USH2A: variants seen among roughly 807,000 people sequenced by gnomAD.
USH2A encodes the protein Usher syndrome 2A (autosomal recessive, mild).
In USH2A, 443 loss-of-function variants were observed where a neutral mutation model predicts 538.9. The observed-to-expected ratio is 0.82, with a 90% confidence interval of 0.76 to 0.89. The LOEUF (loss-of-function observed/expected upper bound fraction) is 0.89. USH2A is among the 40% of genes least tolerant of loss of function. The pLI is 0.00. For synonymous variants in USH2A, 2,413 were observed against 2,273.5 expected (o/e 1.06, Z -1.75); for missense variants, 6,633 against 6,324.8 (o/e 1.05, Z -1.65).
intron 21 of USH2A, among the ~76,000 whole-genome samples, chr1:216,146,923 A>T (rs1001343535): frequency 1.3e-5 from 2 of 152,114 alleles, no homozygotes; most frequent in East Asian, 3.9e-4. Context: ...CTGCAATGCC[A>T]CTTGACCCCA....
chr1:215,789,075 A>G (rs1405691666), intron 51 of USH2A, among the ~76,000 whole-genome samples: 2 of 152,312 alleles, frequency 1.3e-5, no homozygotes, highest in Non-Finnish European at 1.5e-5. Context: ...ACAGGATATA[A>G]ATGTCTCCAG....
chr1:216,145,574 C>T (rs1320273849), intron 21 of USH2A, among the ~76,000 whole-genome samples: 1 of 151,984 alleles, frequency 6.6e-6, no homozygotes, highest in African/African-American at 2.4e-5. Flanking sequence ...AGTCAAACAG[C>T]CATGGATTAT....
intron 27 of USH2A, among the ~76,000 whole-genome samples, chr1:216,076,879 G>A (rs140960693): frequency 3.3e-5 from 5 of 152,234 alleles, no homozygotes; most frequent in Admixed American, 6.5e-5. Context: ...TTTTTCACAC[G>A]TGGGAGGGTG....
intron 61 of USH2A, among the ~76,000 whole-genome samples, chr1:215,713,618 A>C (rs1469633085): frequency 6.6e-6 from 1 of 152,124 alleles, no homozygotes; most frequent in Admixed American, 6.5e-5. Context: ...TTCTATTTGA[A>C]TTTCACCCAT....
chr1:215,643,589 GATCA>G (rs1456828205), intron 67 of USH2A, among the ~76,000 whole-genome samples: 12 of 150,974 alleles, frequency 7.9e-5, no homozygotes, highest in Admixed American at 1.3e-4. Flanking sequence ...GCAGTGACAT[GATCA>G]CAGCTCACTG....
chr1:216,027,789 T>C (rs966882822), intron 32 of USH2A, among the ~76,000 whole-genome samples: 1 of 113,844 alleles, frequency 8.8e-6, no homozygotes, highest in African/African-American at 3.4e-5. Context: ...AATTGACATG[T>C]TGTCTCCAAG....
At chr1:216,295,891 T>C (rs2037095073) in intron 9 of USH2A, among the ~76,000 whole-genome samples, 1 of 152,032 alleles carries the variant, frequency 6.6e-6, no homozygotes, top group Non-Finnish European at 1.5e-5. Flanking sequence ...GTAACACATA[T>C]TTAGTATTTT....
chr1:215,648,829 T>C (rs1656950439), intron 65 of USH2A, 63 bp from the exon 66 acceptor site: 2 of 1,489,670 alleles, frequency 1.3e-6, no homozygotes, highest in Non-Finnish European at 9.4e-7. Flanking sequence ...TGATGAATGT[T>C]ATCCAAGATC....
rs201145043 is a variant in USH2A, at chr1:216,370,367, G to GA, written c.652-5283dup. On this transcript the variant is annotated intron_variant, in intron 3 of 71. Coordinates refer to ENST00000307340, the MANE Select transcript of USH2A (RefSeq NM_206933.4). ...CAGAGTGAGACTCTATCCAAAAAAA[G>GA]AAAAAAAAGAAAAAAAGAATAGCTT... Among the ~76,000 whole-genome samples the GA allele has an allele frequency of 4.7e-5, 7 of 147,414 alleles. No homozygotes were observed. The East Asian group carries it at 6.1e-4, about 13-fold the overall frequency.
chr1:216,351,274 C>T (rs1055207898), intron 4 of USH2A, among the ~76,000 whole-genome samples: 1 of 151,896 alleles, frequency 6.6e-6, no homozygotes, highest in Non-Finnish European at 1.5e-5. Context: ...ATAATGAGAC[C>T]CAAAGTGGGG....
At chr1:216,328,104 C>T (rs2037772401) in intron 4 of USH2A, among the ~76,000 whole-genome samples, 6 of 152,130 alleles carry the variant, frequency 3.9e-5, no homozygotes. Flanking sequence ...TCCAGGCTAT[C>T]TGTTTGGGTT....
At chr1:216,070,056 A>T (rs752667270) in intron 30 of USH2A, 45 bp downstream of exon 30, 1 of 1,604,464 alleles carries the variant, frequency 6.2e-7, no homozygotes, top group Non-Finnish European at 8.5e-7. Context: ...AATGCAAACA[A>T]AAAGGAAGTT....
chr1:215,831,890 G>C (rs1306149044), intron 47 of USH2A, among the ~76,000 whole-genome samples: 2 of 151,920 alleles, frequency 1.3e-5, no homozygotes, highest in East Asian at 3.8e-4. Flanking sequence ...TCTTTGAAAA[G>C]ATCTACAAAA....
At chr1:215,774,804 C>A (rs1385338402) in intron 55 of USH2A, among the ~76,000 whole-genome samples, 9 of 151,838 alleles carry the variant, frequency 5.9e-5, no homozygotes, top group African/African-American at 4.8e-5. Context: ...TAAAAAATAT[C>A]ATTGTCTAGG....
intron 4 of USH2A, among the ~76,000 whole-genome samples, chr1:216,355,375 G>GAAAGAAAGAAAGAAAGAAAGAAAGAA (rs748251919): frequency 1.3e-4 from 18 of 133,942 alleles, no homozygotes; most frequent in Non-Finnish European, 2.2e-4. Flanking sequence ...AAGAAAGAAA[G>GAAAGAAAGAAAGAAAGAAAGAAAGAA]AAGGAAAGAA....
intron 35 of USH2A, among the ~76,000 whole-genome samples, chr1:215,985,898 A>G (rs189135620): frequency 1.2e-4 from 18 of 152,258 alleles, no homozygotes; most frequent in Non-Finnish European, 1.5e-4. Context: ...TCAAGGTACT[A>G]CGTGTAAGTC....
Position 215,927,963 on chromosome 1 carries a change from G to A in USH2A, c.7300+6653C>T, listed in dbSNP as rs140969066. ...AATGTTGAATTTAATTCTGGAAAAT[G>A]TTTATCCAAGTAAAAGACACAGCAA... On this transcript the variant is annotated intron_variant, in intron 38 of 71. Coordinates refer to ENST00000307340, the MANE Select transcript of USH2A (RefSeq NM_206933.4). 2.5e-4 allele frequency among the ~76,000 whole-genome samples: 38 copies of A among 152,116 alleles called. No homozygotes were observed. The East Asian group carries it at 7.4e-3, about 29-fold the overall frequency.
intron 21 of USH2A, among the ~76,000 whole-genome samples, chr1:216,105,513 T>G (rs940883688): frequency 2.0e-5 from 3 of 152,130 alleles, no homozygotes; most frequent in African/African-American, 7.2e-5. Flanking sequence ...CTATGAAGTC[T>G]TAATTATTAT....
chr1:215,744,813 C>T lies in USH2A; in HGVS notation c.11390-1478G>A, dbSNP rs534172429. Among the ~76,000 whole-genome samples the T allele has an allele frequency of 2.6e-5, 4 of 152,212 alleles. No homozygotes were observed. In the East Asian group the frequency reaches 5.8e-4, roughly 22 times the overall value. On this transcript the variant is annotated intron_variant, in intron 58 of 71. Transcript: ENST00000307340. ...CTTCCTCAGGAAAGGTGCTAGATTGCGTTAAATTTGGCAGCTTAGACTGAG... is the reference window on the plus strand; with the variant it reads ...CTTCCTCAGGAAAGGTGCTAGATTGTGTTAAATTTGGCAGCTTAGACTGAG...
Sources: gnomAD v4.1 joint callset for allele counts (sites outside exome capture counted in the v4.1 genomes callset) on GRCh38, gnomAD v4.1.1 for gene constraint, MANE v1.5 for transcripts, NCBI Gene and HGNC (gene_info 2026-07-23, HGNC 2026-07-21) for gene names.